Variants in DNAH6 observed in about 807,000 individuals in gnomAD.
DNAH6 encodes axonemal beta dynein heavy chain 6.
In DNAH6, 340 loss-of-function variants were observed where a neutral mutation model predicts 491.4. The ratio of observed to expected loss-of-function variants is 0.69; its 90% confidence interval spans 0.63 to 0.76. The LOEUF (loss-of-function observed/expected upper bound fraction) is 0.76. DNAH6 is among the 30% of genes least tolerant of loss of function. The pLI, the probability that DNAH6 is intolerant of heterozygous loss-of-function variation, is 0.00. For synonymous variants in DNAH6, 1,603 were observed against 1,686.1 expected (o/e 0.95, Z 1.21); for missense variants, 4,443 against 4,972.2 (o/e 0.89, Z 3.20).
intron 65 of DNAH6, 135 bp downstream of exon 65, chr2:84,781,788 A>G: frequency 9.0e-7 from 1 of 1,111,356 alleles, no homozygotes; most frequent in Non-Finnish European, 1.2e-6. Context: ...TTTGAGGCCT[A>G]GACAGATTTA....
At chr2:84,495,145 G>A in the DNAH6 span, among the ~76,000 whole-genome samples, 2 of 152,164 alleles carry the variant, frequency 1.3e-5, no homozygotes, top group Non-Finnish European at 2.9e-5. Context: ...ATCTTAATAT[G>A]CAACTAAGTT....
chr2:84,592,017 A>C (rs571435578), intron 16 of DNAH6, among the ~76,000 whole-genome samples: 1 of 152,350 alleles, frequency 6.6e-6, no homozygotes, highest in South Asian at 2.1e-4. Flanking sequence ...AATCTTCATG[A>C]CATTGGCCTT....
intron 69 of DNAH6, among the ~76,000 whole-genome samples, 195 bp downstream of exon 69, chr2:84,796,620 C>T (rs1431468759): frequency 6.6e-6 from 1 of 152,168 alleles, no homozygotes; most frequent in African/African-American, 2.4e-5. Context: ...ATGGTAACTA[C>T]TTTGAATTAC....
intron 10 of DNAH6, among the ~76,000 whole-genome samples, chr2:84,553,795 T>C (rs28641861): frequency 0.068 from 10,316 of 151,960 alleles, 1,143 homozygotes; most frequent in African/African-American, 0.24. Context: ...TGAAATCTTT[T>C]TAAAGGTATG....
intron 31 of DNAH6, among the ~76,000 whole-genome samples, chr2:84,639,910 A>G (rs1254221904): frequency 6.6e-6 from 1 of 152,204 alleles, no homozygotes; most frequent in Non-Finnish European, 1.5e-5. Flanking sequence ...ACTGTCAGAG[A>G]CACTAAGCAT....
At chr2:84,807,609 T>C (rs7573165) in intron 71 of DNAH6, among the ~76,000 whole-genome samples, 2,782 of 152,244 alleles carry the variant, frequency 0.018, 89 homozygotes, top group African/African-American at 0.064. Flanking sequence ...TAAACGCTTG[T>C]ATGGTAGAGG....
rs527812697 is a variant in DNAH6, at chr2:84,592,250, CA to C, written c.2611-1712del. The stretch of plus-strand genomic sequence containing the variant: ...TAAGGAACTCCTACAACACAATAGC[CA>C]AAAAAAAAACCCAAATTTTTAAAAT... On this transcript the variant is annotated intron_variant, in intron 16 of 76. Coordinates refer to ENST00000389394, the MANE Select transcript of DNAH6 (RefSeq NM_001370.2). Among the ~76,000 whole-genome samples the C allele has an allele frequency of 1.3e-3, 185 of 144,698 alleles. 5 individuals carry two copies. The South Asian group carries it at 0.033, about 26-fold the overall frequency. The allele number at this position is 144,698 out of a possible 152,430, so 94.9% of individuals were successfully genotyped here. A position where few individuals can be genotyped will look rare whatever the true frequency, so the allele number is the denominator to read the frequency against.
intron 47 of DNAH6, among the ~76,000 whole-genome samples, 180 bp from the exon 48 acceptor site, chr2:84,699,414 A>G (rs1033942376): frequency 6.6e-6 from 1 of 152,196 alleles, no homozygotes. Flanking sequence ...GTCATTTTTA[A>G]TCTTTCCAGA....
At chr2:84,485,732 C>G in the DNAH6 span, among the ~76,000 whole-genome samples, 1 of 152,210 alleles carries the variant, frequency 6.6e-6, no homozygotes, top group South Asian at 2.1e-4. Flanking sequence ...CCAGCTCTAT[C>G]TCTTTACGGC....
intron 4 of DNAH6, among the ~76,000 whole-genome samples, 159 bp from the exon 5 acceptor site, chr2:84,544,074 A>G (rs1488787750): frequency 1.3e-5 from 2 of 152,202 alleles, no homozygotes; most frequent in East Asian, 3.8e-4. Flanking sequence ...TTTCTTGAGT[A>G]ATGTATTTAA....
intron 45 of DNAH6, among the ~76,000 whole-genome samples, chr2:84,692,484 A>ATAGATAGATAG (rs1558918021): frequency 1.3e-5 from 2 of 150,356 alleles, no homozygotes; most frequent in African/African-American, 5.0e-5. Flanking sequence ...TAGATAGATA[A>ATAGATAGATAG]ATTTCCCAGA....
At chr2:84,792,480 C>T (rs981752688) in intron 68 of DNAH6, among the ~76,000 whole-genome samples, 7 of 152,102 alleles carry the variant, frequency 4.6e-5, no homozygotes, top group East Asian at 1.9e-4. Flanking sequence ...TAAGTATATA[C>T]GTATGTCAAA....
intron 10 of DNAH6, among the ~76,000 whole-genome samples, chr2:84,554,658 G>T (rs1174938373): frequency 6.6e-6 from 1 of 152,206 alleles, no homozygotes; most frequent in Non-Finnish European, 1.5e-5. Context: ...GTATGATTCT[G>T]TAATTTATGG....
chr2:84,640,783 A>G (rs1299680673), intron 32 of DNAH6, among the ~76,000 whole-genome samples: 2 of 152,172 alleles, frequency 1.3e-5, no homozygotes, highest in Non-Finnish European at 2.9e-5. Context: ...TGTGAGTCCT[A>G]ACATGGTTGT....
chr2:84,758,765 C>A (rs1016470912), intron 63 of DNAH6, among the ~76,000 whole-genome samples: 1 of 152,082 alleles, frequency 6.6e-6, no homozygotes, highest in Non-Finnish European at 1.5e-5. Context: ...AAACCCTCAA[C>A]AAATTAGGCA....
intron 61 of DNAH6, among the ~76,000 whole-genome samples, chr2:84,728,109 C>T (rs1238609253): frequency 6.6e-6 from 1 of 152,060 alleles, no homozygotes; most frequent in Admixed American, 6.6e-5. Context: ...AAGGGGAAAC[C>T]CTTTTCACTT....
chr2:84,812,323 C>A lies in DNAH6; in HGVS notation c.11740-18C>A. 1 of 1,549,144 alleles carries A rather than the reference C, an allele frequency of 6.5e-7. No individual in the cohort carries two copies. Among genetic ancestry groups the A allele is most frequent in the South Asian group, 1.2e-5 (1 of 83,624 alleles). On this transcript the variant is annotated intron_variant, in intron 72 of 76. Coordinates refer to ENST00000389394, the MANE Select transcript of DNAH6 (RefSeq NM_001370.2). The stretch of plus-strand genomic sequence containing the variant: ...ATGACATCTGCAAAGGCCACCAACC[C>A]CTTTTTTGTTCTTTCAGACTTCTCT...
rs186149565 is a variant in DNAH6 at position 84,558,783 on chromosome 2, C to T, written c.1803+848C>T. Reference sequence around the variant, plus strand: ...TCAAAAGCTCACTTATTGAGGTGATCGATGTGAGAAGGTAAAGAAACAAGC... The same window carrying T: ...TCAAAAGCTCACTTATTGAGGTGATTGATGTGAGAAGGTAAAGAAACAAGC... On this transcript the variant is annotated intron_variant, in intron 11 of 76. Coordinates refer to ENST00000389394, the MANE Select transcript of DNAH6 (RefSeq NM_001370.2). Among the ~76,000 whole-genome samples the T allele has an allele frequency of 1.1e-4, 16 of 152,208 alleles. No individual in the cohort carries two copies. In the South Asian group the frequency reaches 1.2e-3, roughly 12 times the overall value.
intron 62 of DNAH6, among the ~76,000 whole-genome samples, chr2:84,735,393 T>G (rs1323307119): frequency 6.6e-6 from 1 of 152,244 alleles, no homozygotes; most frequent in Non-Finnish European, 1.5e-5. Context: ...TGATTTCTTT[T>G]CCTTTGGGTA....
Sources: allele counts gnomAD v4.1 joint callset (sites outside exome capture counted in the v4.1 genomes callset), GRCh38; gene constraint gnomAD v4.1.1; transcripts MANE v1.5; gene names NCBI Gene and HGNC (gene_info 2026-07-23, HGNC 2026-07-21).